Variants in ITGAM observed in about 807,000 individuals in gnomAD.
The protein encoded by ITGAM is integrin alpha-M.
ITGAM carries 79 observed loss-of-function variants against 137.5 expected under a neutral mutation model. The observed-to-expected ratio is 0.57, with a 90% CI of 0.48 to 0.69. The LOEUF (loss-of-function observed/expected upper bound fraction) is 0.69, where lower values mean the gene tolerates loss of function less well. Ranked by LOEUF, ITGAM falls within the 30% of genes least tolerant of loss-of-function variation. The probability of loss-of-function intolerance (pLI) is 0.00; values close to 1 mark genes in which losing one functional copy is unlikely to be tolerated. For synonymous variants in ITGAM, 583 were observed against 592.3 expected (o/e 0.98, Z 0.23); for missense variants, 1,343 against 1,483.5 (o/e 0.91, Z 1.56).
chr16:31,318,344 CTTTTTTTTT>C (rs34125826), intron 14 of ITGAM, among the ~76,000 whole-genome samples: 1 of 131,486 alleles, frequency 7.6e-6, no homozygotes, highest in Non-Finnish European at 1.6e-5. Context: ...CTTGTCAGTT[CTTTTTTTTT>C]TTTTTTTTGA....
chr16:31,329,073 T>TCGC, intron 23 of ITGAM, 155 bp from the exon 24 acceptor site: 2 of 426,236 alleles, frequency 4.7e-6, no homozygotes, highest in Middle Eastern at 6.2e-4. Context: ...ACACATTGGT[T>TCGC]CCCCCATCCC....
intron 23 of ITGAM, among the ~76,000 whole-genome samples, chr16:31,328,827 C>A (rs541086829): frequency 8.5e-6 from 1 of 117,482 alleles, no homozygotes; most frequent in Non-Finnish European, 1.8e-5. Flanking sequence ...CATGTGTGTG[C>A]GCATGGGTGT....
intron 7 of ITGAM, among the ~76,000 whole-genome samples, chr16:31,273,104 A>G (rs59911590): frequency 0.043 from 6,529 of 152,026 alleles, 458 homozygotes; most frequent in African/African-American, 0.15. Context: ...TTTGAGACCA[A>G]TTGACAACAT....
rs1201303455 is a variant in ITGAM at position 31,324,774 on chromosome 16, A to C, written c.2281A>C (p.Thr761Pro). Residue 761 changes from threonine to proline, a missense_variant, in exon 18 of 30, where the codon ACA becomes CCA. By Grantham distance (38) the Thr-to-Pro change is conservative. Coordinates refer to ENST00000544665, the MANE Select transcript of ITGAM (RefSeq NM_000632.4). This position sits in a 1 kb window ranked among gnomAD's most constrained non-coding sequence, Gnocchi z 4.5. ...VLAEDAQRLFTALFPFEKNCG... is the reference protein window; with the variant it reads ...VLAEDAQRLFPALFPFEKNCG... ...GGCGGAGGATGCTCAGAGACTCTTC[A>C]CAGCCTTGGTGAGTCCAGAGTTGGG... 1.3e-6 allele frequency: 2 copies of C among 1,564,440 alleles called. No homozygotes were observed. Among genetic ancestry groups the C allele is most frequent in the Non-Finnish European group, 8.6e-7 (1 of 1,157,798 alleles).
intron 7 of ITGAM, among the ~76,000 whole-genome samples, chr16:31,272,440 TATATATATATATATA>T (rs2079853111): frequency 1.2e-4 from 1 of 8,154 alleles, no homozygotes; most frequent in South Asian, 3.5e-3. Flanking sequence ...TATATATATA[TATATATATATATATA>T]TATATATATT....
intron 14 of ITGAM, among the ~76,000 whole-genome samples, chr16:31,307,577 G>A (rs1363536092): frequency 1.4e-4 from 22 of 152,206 alleles, no homozygotes; most frequent in South Asian, 8.3e-4. Flanking sequence ...TAGATATACA[G>A]TCATGTCATC....
At position 31,331,802 on chromosome 16, in the gene ITGAM, A is replaced by G; in HGVS notation, c.*95A>G. Reference sequence around the variant, plus strand: ...GGCTGCTGGACACGTCGGACAGCGAAGTATCCCCGACAGGACGGGCTTGGG... The same window carrying G: ...GGCTGCTGGACACGTCGGACAGCGAGGTATCCCCGACAGGACGGGCTTGGG... On this transcript the variant is annotated 3_prime_UTR_variant, in exon 30 of 30. Coordinates refer to ENST00000544665, the MANE Select transcript of ITGAM (RefSeq NM_000632.4). The G allele has an allele frequency of 1.1e-6, 1 of 950,868 alleles. No homozygotes were observed. The highest frequency in any genetic ancestry group is 1.6e-6 in the Non-Finnish European group (1 of 633,668). 58.9% of individuals were successfully genotyped at this position (950,868 alleles called of 1,614,324 possible).
intron 12 of ITGAM, among the ~76,000 whole-genome samples, chr16:31,282,002 G>T (rs1283757834): frequency 6.6e-6 from 1 of 152,188 alleles, no homozygotes; most frequent in Non-Finnish European, 1.5e-5. Flanking sequence ...GGAGCAGGTT[G>T]TTCAGTTTCC....
intron 29 of ITGAM, 118 bp from the exon 30 acceptor site, chr16:31,331,518 C>G: frequency 1.6e-6 from 1 of 613,372 alleles, no homozygotes. Flanking sequence ...ACTCCCCTCC[C>G]GCCCCGCCCT....
At chr16:31,302,409 T>C (rs1351191139) in intron 14 of ITGAM, among the ~76,000 whole-genome samples, 1,102 of 99,242 alleles carry the variant, frequency 0.011, 18 homozygotes, top group African/African-American at 0.037. Flanking sequence ...TCTTTTCTTT[T>C]TTCTTTCTTT....
At chr16:31,319,989 T>C (rs752848998) in intron 14 of ITGAM, among the ~76,000 whole-genome samples, 3 of 152,134 alleles carry the variant, frequency 2.0e-5, no homozygotes, top group Non-Finnish European at 2.9e-5. Flanking sequence ...ATTTTTTGTA[T>C]TTTTAATAGA....
At chr16:31,323,076 A>G (rs886105716) in intron 16 of ITGAM, among the ~76,000 whole-genome samples, 7 of 152,042 alleles carry the variant, frequency 4.6e-5, no homozygotes, top group African/African-American at 1.7e-4. Flanking sequence ...AAGATGGAAT[A>G]GGAAAGACAG....
At chr16:31,302,433 TTC>T (rs749407978) in intron 14 of ITGAM, among the ~76,000 whole-genome samples, 1 of 99,526 alleles carries the variant, frequency 1.0e-5, no homozygotes, top group African/African-American at 9.1e-5. Flanking sequence ...TCTTTCTTCT[TTC>T]TTTCTTTCTT....
At chr16:31,322,296 A>G (rs1232261314) in intron 16 of ITGAM, among the ~76,000 whole-genome samples, 2 of 152,188 alleles carry the variant, frequency 1.3e-5, no homozygotes, top group African/African-American at 4.8e-5. Context: ...TCCCTAAAAA[A>G]TGATTACCTT....
At chr16:31,279,641 A>C (rs1005421473) in intron 12 of ITGAM, among the ~76,000 whole-genome samples, 2 of 151,984 alleles carry the variant, frequency 1.3e-5, no homozygotes, top group African/African-American at 4.8e-5. Flanking sequence ...GATATTAGCC[A>C]TTTGTCAGAT....
Position 31,277,832 on chromosome 16 carries a change from GA to G in ITGAM, c.1214-132del, listed in dbSNP as rs1281642539. The G allele has an allele frequency of 3.4e-6, 3 of 890,130 alleles. No individual in the cohort carries two copies. In the African/African-American group the frequency reaches 5.1e-5, roughly 15 times the overall value. 55.1% of individuals were successfully genotyped at this position (890,130 alleles called of 1,614,324 possible). A position where few individuals can be genotyped will look rare whatever the true frequency, so the allele number is the denominator to read the frequency against. On this transcript the variant is annotated intron_variant, in intron 11 of 29. Coordinates refer to ENST00000544665, the MANE Select transcript of ITGAM (RefSeq NM_000632.4). ...TGAATTGTAATTATGTTCATAAAGA[GA>G]AATATAGCGTAGGGATCAGTTACCC...
intron 14 of ITGAM, 62 bp from the exon 15 acceptor site, chr16:31,321,179 G>T: frequency 6.3e-7 from 1 of 1,588,554 alleles, no homozygotes; most frequent in South Asian, 1.1e-5. Context: ...CTGGATGACT[G>T]AGTTATACAT....
chr16:31,268,054 A>G (rs575676600), intron 5 of ITGAM, among the ~76,000 whole-genome samples: 4 of 151,948 alleles, frequency 2.6e-5, no homozygotes, highest in Non-Finnish European at 4.4e-5. Context: ...AACCACCACA[A>G]TCGATAGCCA....
chr16:31,285,800 C>T (rs2080022839), intron 12 of ITGAM, among the ~76,000 whole-genome samples: 1 of 151,032 alleles, frequency 6.6e-6, no homozygotes, highest in African/African-American at 2.4e-5. Context: ...TCTTTTCTCT[C>T]TCTTTTTTTT....
Sources: allele counts gnomAD v4.1 joint callset (sites outside exome capture counted in the v4.1 genomes callset), GRCh38; gene constraint gnomAD v4.1.1; non-coding constraint Gnocchi (gnomAD v3.1); transcripts MANE v1.5; gene names NCBI Gene and HGNC (gene_info 2026-07-23, HGNC 2026-07-21).